The following PTPRD variants were observed in gnomAD, a reference collection of about 807,000 sequenced individuals.
PTPRD encodes the protein protein tyrosine phosphatase receptor type D, also known as receptor-type tyrosine-protein phosphatase delta.
Under a neutral mutation model 214.5 loss-of-function variants are expected in PTPRD, and 34 were observed. That is an observed-to-expected ratio of 0.16 (90% CI 0.12 to 0.21). The LOEUF is 0.21. Ranked by LOEUF, PTPRD falls within the 10% of genes least tolerant of loss-of-function variation. PTPRD has a pLI of 1.00. For missense variants in PTPRD, 2,545 were observed against 2,398.7 expected (o/e 1.06, Z -1.27); for synonymous variants, 1,128 against 845.7 (o/e 1.33, Z -5.79).
chr9:10,286,850 C>T (rs763256993), intron 3 of PTPRD, among the ~76,000 whole-genome samples: 1 of 152,134 alleles, frequency 6.6e-6, no homozygotes, highest in Non-Finnish European at 1.5e-5. Flanking sequence ...CCACCCGCCT[C>T]AGCCTCCCAA....
At chr9:9,118,714 G>A (rs2099814650) in intron 10 of PTPRD, among the ~76,000 whole-genome samples, 1 of 152,116 alleles carries the variant, frequency 6.6e-6, no homozygotes, top group African/African-American at 2.4e-5. Flanking sequence ...GCTGATAATT[G>A]AACAAATAAG....
intron 12 of PTPRD, among the ~76,000 whole-genome samples, chr9:8,645,792 T>C (rs899913055): frequency 3.2e-5 from 4 of 126,042 alleles, no homozygotes; most frequent in Middle Eastern, 4.7e-3. Flanking sequence ...ATCTCAAAAT[T>C]GTTGTGTTGA....
chr9:8,426,135 C>A (rs2094651208), intron 35 of PTPRD, among the ~76,000 whole-genome samples: 1 of 152,106 alleles, frequency 6.6e-6, no homozygotes, highest in Admixed American at 6.5e-5. Context: ...TTCACAATAA[C>A]AAGAGCCACT....
intron 2 of PTPRD, among the ~76,000 whole-genome samples, chr9:10,572,517 C>A (rs1244183198): frequency 1.3e-5 from 2 of 151,996 alleles, no homozygotes; most frequent in African/African-American, 4.8e-5. Flanking sequence ...GTCCTCAAGA[C>A]CAAAAACAGT....
rs2097000733 is a variant in PTPRD at position 8,486,136 on chromosome 9, C to G, written c.2681G>C (p.Arg894Thr). The change falls in exon 28 of 46, where the codon AGG becomes ACG. Residue 894 changes from arginine to threonine, a missense_variant. By Grantham distance (71) the Arg-to-Thr change is moderately conservative. Coordinates refer to ENST00000381196, the MANE Select transcript of PTPRD (RefSeq NM_002839.4). ...DIHKGASYVFRLSARNKVGFG... is the reference protein window; with the variant it reads ...DIHKGASYVFTLSARNKVGFG... ...GCCCACTTTGTTTCTGGCTGAGAGC[C>G]TGAAGACGTATGATGCTCCCTTGTG... 1.9e-6 allele frequency: 3 copies of G among 1,614,062 alleles called. No homozygotes were observed. The highest frequency in any genetic ancestry group is 1.3e-5 in the African/African-American group (1 of 74,924).
chr9:9,557,973 G>A (rs118186730), intron 8 of PTPRD, among the ~76,000 whole-genome samples: 6,348 of 152,264 alleles, frequency 0.042, 187 homozygotes, highest in Non-Finnish European at 0.062. Context: ...TATCTTGGCT[G>A]CTTGAGCCAG....
At chr9:9,111,821 T>C (rs75179856) in intron 10 of PTPRD, among the ~76,000 whole-genome samples, 269 of 152,340 alleles carry the variant, frequency 1.8e-3, no homozygotes, top group African/African-American at 6.1e-3. Context: ...GAAATAATTA[T>C]AGAAGAATTT....
At chr9:10,002,331 A>AATATAT (rs3051049) in intron 4 of PTPRD, among the ~76,000 whole-genome samples, 16,463 of 144,298 alleles carry the variant, frequency 0.11, 1,231 homozygotes, top group Non-Finnish European at 0.18. Context: ...TTTAAATATA[A>AATATAT]ATATATATAT....
intron 7 of PTPRD, among the ~76,000 whole-genome samples, chr9:9,590,634 C>T (rs1053782028): frequency 3.3e-5 from 5 of 151,562 alleles, no homozygotes; most frequent in African/African-American, 1.2e-4. Context: ...ATAAGACATT[C>T]AAGATAACAC....
intron 2 of PTPRD, among the ~76,000 whole-genome samples, chr9:10,408,414 A>G (rs1178453798): frequency 6.6e-6 from 1 of 151,674 alleles, no homozygotes; most frequent in Admixed American, 6.6e-5. Flanking sequence ...ATAAAAAAGC[A>G]TCTTAAATAA....
Position 8,331,574 on chromosome 9 carries a change from A to AAACTTACCATTCTTGAATTGT in PTPRD, c.5534+7_5534+8insACAATTCAAGAATGGTAAGTT. 6.2e-7 allele frequency: 1 copy of AAACTTACCATTCTTGAATTGT among 1,611,994 alleles called. No homozygotes were observed. Among genetic ancestry groups the AAACTTACCATTCTTGAATTGT allele is most frequent in the Non-Finnish European group, 8.5e-7 (1 of 1,178,832 alleles). On this transcript the variant is annotated splice_region_variant and intron_variant, in intron 44 of 45. Transcript: ENST00000381196. ...TTATCACTGCTTTATTCACAAATGG[A>AAACTTACCATTCTTGAATTGT]AACTTACCTGCAATGGACTGAAATG...
intron 7 of PTPRD, among the ~76,000 whole-genome samples, chr9:9,715,843 C>T (rs2097813233): frequency 6.6e-6 from 1 of 151,912 alleles, no homozygotes; most frequent in Non-Finnish European, 1.5e-5. Context: ...TGCTAAGAAG[C>T]TTCTTTTGTT....
At chr9:10,057,419 C>T (rs902418220) in intron 3 of PTPRD, among the ~76,000 whole-genome samples, 1 of 152,084 alleles carries the variant, frequency 6.6e-6, no homozygotes, top group Non-Finnish European at 1.5e-5. Flanking sequence ...GCAGCATTAG[C>T]TGTTTTGTAC....
At chr9:9,207,357 T>C (rs946018248) in intron 9 of PTPRD, among the ~76,000 whole-genome samples, 1 of 152,170 alleles carries the variant, frequency 6.6e-6, no homozygotes, top group African/African-American at 2.4e-5. Flanking sequence ...CAGATGTTAC[T>C]TTGAGAGATG....
chr9:10,205,367 C>CTTTATTTTATTTTATTTTAT (rs199568529), intron 3 of PTPRD, among the ~76,000 whole-genome samples: 2 of 148,172 alleles, frequency 1.3e-5, no homozygotes, highest in African/African-American at 5.0e-5. Context: ...TCTTCTTCTT[C>CTTTATTTTATTTTATTTTAT]TTTATTTTAT....
At chr9:9,890,360 T>A (rs1395160630) in intron 5 of PTPRD, among the ~76,000 whole-genome samples, 2 of 151,778 alleles carry the variant, frequency 1.3e-5, no homozygotes, top group Non-Finnish European at 2.9e-5. Flanking sequence ...CACGCCTGGC[T>A]ATTTTTTTTG....
At chr9:9,947,534 TATATATAA>T (rs2092886868) in intron 4 of PTPRD, among the ~76,000 whole-genome samples, 2 of 21,040 alleles carry the variant, frequency 9.5e-5, no homozygotes, top group African/African-American at 1.1e-3. Context: ...ATATATATTT[TATATATAA>T]TATATATATT....
At chr9:8,754,500 T>C (rs1028686833) in intron 11 of PTPRD, among the ~76,000 whole-genome samples, 13 of 152,152 alleles carry the variant, frequency 8.5e-5, no homozygotes, top group African/African-American at 3.1e-4. Context: ...TGTATTGCAA[T>C]GGAAAAAGAA....
At chr9:9,469,048 T>C (rs1334301128) in intron 8 of PTPRD, among the ~76,000 whole-genome samples, 1 of 152,116 alleles carries the variant, frequency 6.6e-6, no homozygotes, top group Non-Finnish European at 1.5e-5. Flanking sequence ...ACATTTGTGG[T>C]CATAAAGCAC....
Sources: gnomAD v4.1 joint callset for allele counts (sites outside exome capture counted in the v4.1 genomes callset) on GRCh38, gnomAD v4.1.1 for gene constraint, MANE v1.5 for transcripts, NCBI Gene and HGNC (gene_info 2026-07-23, HGNC 2026-07-21) for gene names.